Variants in TTC29 observed in about 807,000 individuals in gnomAD.
TTC29 encodes tetratricopeptide repeat protein 29.
TTC29 carries 49 observed loss-of-function variants against 58.1 expected under a neutral mutation model. The observed-to-expected ratio is 0.84, with a 90% CI of 0.67 to 1.07. TTC29 has a LOEUF of 1.07. Ranked by LOEUF, TTC29 falls within the 50% of genes least tolerant of loss-of-function variation. TTC29 has a pLI of 0.00. For synonymous variants in TTC29, 209 were observed against 196.8 expected (o/e 1.06, Z -0.52); for missense variants, 582 against 555.6 (o/e 1.05, Z -0.48).
At chr4:146,814,830 C>T (rs1751288458) in intron 10 of TTC29, among the ~76,000 whole-genome samples, 1 of 150,814 alleles carries the variant, frequency 6.6e-6, no homozygotes, top group Non-Finnish European at 1.5e-5. Context: ...GAACAGAGAT[C>T]TGAGTGACAA....
chr4:146,873,668 G>A (rs1731077301), intron 7 of TTC29, among the ~76,000 whole-genome samples: 1 of 152,154 alleles, frequency 6.6e-6, no homozygotes, highest in Admixed American at 6.6e-5. Flanking sequence ...ACCCCTTTGG[G>A]GGAAGGTACT....
At chr4:146,869,974 A>C (rs1341780375) in intron 7 of TTC29, among the ~76,000 whole-genome samples, 2 of 152,130 alleles carry the variant, frequency 1.3e-5, no homozygotes, top group Non-Finnish European at 2.9e-5. Flanking sequence ...CTTATGTTTT[A>C]GAGGACAGAG....
At chr4:146,838,716 C>A (rs535369122) in intron 8 of TTC29, among the ~76,000 whole-genome samples, 1 of 151,814 alleles carries the variant, frequency 6.6e-6, no homozygotes, top group East Asian at 1.9e-4. Context: ...AAATGTAGAT[C>A]GAAAATACAG....
At chr4:146,791,866 G>A (rs1749481595) in intron 11 of TTC29, among the ~76,000 whole-genome samples, 1 of 152,152 alleles carries the variant, frequency 6.6e-6, no homozygotes, top group African/African-American at 2.4e-5. Context: ...TAGTGGTGTG[G>A]ATAAAATATT....
intron 11 of TTC29, among the ~76,000 whole-genome samples, chr4:146,711,991 G>A (rs1332129435): frequency 6.6e-6 from 1 of 151,854 alleles, no homozygotes; most frequent in African/African-American, 2.4e-5. Context: ...ACTTGATAAT[G>A]AGAAAATCCC....
chr4:146,941,718 G>A (rs988394992), intron 2 of TTC29, among the ~76,000 whole-genome samples: 1 of 152,118 alleles, frequency 6.6e-6, no homozygotes, highest in Non-Finnish European at 1.5e-5. Context: ...TCTTATTGAG[G>A]TAAGAATCCA....
At chr4:146,880,644 T>C (rs937739501) in intron 6 of TTC29, among the ~76,000 whole-genome samples, 3 of 152,150 alleles carry the variant, frequency 2.0e-5, no homozygotes, top group African/African-American at 7.2e-5. Context: ...CAAAGGAGAA[T>C]GTATATGATC....
chr4:146,708,355 TAC>T (rs1554002684), intron 11 of TTC29, among the ~76,000 whole-genome samples: 579 of 19,738 alleles, frequency 0.029, 55 homozygotes, highest in Non-Finnish European at 0.053. Flanking sequence ...TATATATATA[TAC>T]ACATGTATGT....
At chr4:146,912,664 A>G (rs1202777872) in intron 4 of TTC29, among the ~76,000 whole-genome samples, 8 of 152,084 alleles carry the variant, frequency 5.3e-5, no homozygotes. Context: ...AAAGACTTTC[A>G]ATTTAGCATT....
chr4:146,929,611 T>C (rs1249619477), intron 4 of TTC29, among the ~76,000 whole-genome samples: 1 of 152,176 alleles, frequency 6.6e-6, no homozygotes, highest in Non-Finnish European at 1.5e-5. Flanking sequence ...ATGTAGGCTA[T>C]TTTTCTGGAG....
intron 7 of TTC29, among the ~76,000 whole-genome samples, chr4:146,872,223 ACAC>A (rs1367564298): frequency 2.0e-5 from 3 of 151,974 alleles, no homozygotes; most frequent in African/African-American, 7.2e-5. Context: ...TACCCTCCTC[ACAC>A]CACATGTGCA....
rs1286252771 is a variant in TTC29 at position 146,874,731 on chromosome 4, C to T, written c.784G>A (p.Glu262Lys). The change falls in exon 7 of 13, where the codon GAA becomes AAA. Residue 262 changes from glutamate to lysine, a missense_variant. Glu to Lys is a moderately conservative substitution (Grantham distance 56). Coordinates refer to ENST00000325106, the MANE Select transcript of TTC29 (RefSeq NM_031956.4). ...TTCCACCCACCTTCTTTGGCTATTT[C>T]AGAAGCTTTTATTAGAATTTTGATG... ...QAIKILIKASEIAKEGSDKKM... is the reference protein window; with the variant it reads ...QAIKILIKASKIAKEGSDKKM... 1.9e-6 allele frequency: 3 copies of T among 1,602,732 alleles called. No homozygotes were observed. The South Asian group carries it at 3.4e-5, about 18-fold the overall frequency.
At chr4:146,860,008 T>G (rs1225042464) in intron 8 of TTC29, among the ~76,000 whole-genome samples, 2 of 152,274 alleles carry the variant, frequency 1.3e-5, no homozygotes, top group South Asian at 2.1e-4. Context: ...GTTTCAGCAG[T>G]AGACAGAAAT....
rs1735956110 is a variant in TTC29, at chr4:146,937,644, ATCTATG to A, written c.120_125del (p.Ile41_Asp42del). 1 of 1,538,420 alleles carries A rather than the reference ATCTATG, an allele frequency of 6.5e-7. No individual in the cohort carries two copies. Among genetic ancestry groups the A allele is most frequent in the East Asian group, 2.4e-5 (1 of 41,750 alleles). ...CTTTGAAATTTACCTCTAGATAATG[ATCTATG>A]TCATCTTTTTCTTTGATCAATTGAG... On this transcript the variant is annotated inframe_deletion, in exon 4 of 13. Coordinates refer to ENST00000325106, the MANE Select transcript of TTC29 (RefSeq NM_031956.4).
chr4:146,756,003 G>A lies in TTC29; in HGVS notation c.1330+47454C>T, dbSNP rs571664389. On this transcript the variant is annotated intron_variant, in intron 11 of 12. Coordinates refer to ENST00000325106, the MANE Select transcript of TTC29 (RefSeq NM_031956.4). ...GAAATTCTGTAGTCAGGCTGGGTGC[G>A]GTGGCTCAAGCCTGTAATCCCAGCA... Among the ~76,000 whole-genome samples, 8 of 152,160 alleles carry A rather than the reference G, an allele frequency of 5.3e-5. No individual in the cohort carries two copies. In the South Asian group the frequency reaches 8.3e-4, roughly 16 times the overall value.
chr4:146,897,588 T>C (rs1269681070), intron 6 of TTC29, among the ~76,000 whole-genome samples: 3 of 152,204 alleles, frequency 2.0e-5, no homozygotes, highest in Non-Finnish European at 4.4e-5. Context: ...TCATGAATGC[T>C]GAACTGTACC....
chr4:146,724,262 C>T (rs974490591), intron 11 of TTC29, among the ~76,000 whole-genome samples: 1 of 152,154 alleles, frequency 6.6e-6, no homozygotes, highest in African/African-American at 2.4e-5. Flanking sequence ...GAAAATCTAG[C>T]TGTTGGGTGC....
chr4:146,915,597 G>T (rs1734169845), intron 4 of TTC29, among the ~76,000 whole-genome samples: 1 of 151,920 alleles, frequency 6.6e-6, no homozygotes, highest in Admixed American at 6.6e-5. Flanking sequence ...TAAAAAAGAT[G>T]AATAGATGCA....
At chr4:146,796,758 C>T (rs1456062496) in intron 11 of TTC29, among the ~76,000 whole-genome samples, 1 of 151,954 alleles carries the variant, frequency 6.6e-6, no homozygotes, top group Admixed American at 6.6e-5. Flanking sequence ...GTTACTTTTG[C>T]TTTTTCAAAA....
Sources: allele counts gnomAD v4.1 joint callset (sites outside exome capture counted in the v4.1 genomes callset), GRCh38; gene constraint gnomAD v4.1.1; transcripts MANE v1.5; gene names NCBI Gene and HGNC (gene_info 2026-07-23, HGNC 2026-07-21).